LINGO2: variants seen among roughly 807,000 people sequenced by gnomAD.
LINGO2 encodes the protein leucine rich repeat and Ig domain containing 2.
LINGO2 carries 14 observed loss-of-function variants against 30.6 expected under a neutral mutation model. The ratio of observed to expected loss-of-function variants is 0.46; its 90% CI spans 0.30 to 0.72. The LOEUF (loss-of-function observed/expected upper bound fraction) is 0.72. LINGO2 is among the 30% of genes least tolerant of loss of function. The pLI is 0.07. For missense variants in LINGO2, 729 were observed against 751.7 expected (o/e 0.97, Z 0.35); for synonymous variants, 317 against 288.5 (o/e 1.10, Z -1.00).
the LINGO2 span, among the ~76,000 whole-genome samples, chr9:28,830,759 C>T: frequency 1.8e-4 from 10 of 56,566 alleles, no homozygotes; most frequent in Admixed American, 4.6e-4. Flanking sequence ...TGCCCCTATA[C>T]ACACACACAC....
chr9:28,959,531 G>A, the LINGO2 span, among the ~76,000 whole-genome samples: 1 of 149,808 alleles, frequency 6.7e-6, no homozygotes, highest in South Asian at 2.1e-4. Flanking sequence ...CAAGAAACAA[G>A]GAATTAAATT....
At chr9:28,699,402 G>A in the LINGO2 span, among the ~76,000 whole-genome samples, 6 of 152,018 alleles carry the variant, frequency 3.9e-5, no homozygotes, top group South Asian at 4.2e-4. Context: ...AATTTCTTAC[G>A]CCTGTCTTAC....
At chr9:28,178,942 G>A (rs1404090512) in intron 4 of LINGO2, among the ~76,000 whole-genome samples, 1 of 152,048 alleles carries the variant, frequency 6.6e-6, no homozygotes, top group Non-Finnish European at 1.5e-5. Flanking sequence ...GCTCCATTGG[G>A]TTATATCAGG....
At chr9:28,017,504 A>T (rs1371291543) in intron 4 of LINGO2, among the ~76,000 whole-genome samples, 1 of 152,208 alleles carries the variant, frequency 6.6e-6, no homozygotes, top group Non-Finnish European at 1.5e-5. Context: ...CAGGATACAA[A>T]AATAAATGTA....
intron 1 of LINGO2, among the ~76,000 whole-genome samples, chr9:28,484,195 G>A (rs1412043277): frequency 6.6e-6 from 1 of 151,772 alleles, no homozygotes; most frequent in African/African-American, 2.4e-5. Context: ...CAATCTTCAA[G>A]TAATAAGCGA....
At chr9:28,317,140 C>T (rs781690609) in intron 3 of LINGO2, among the ~76,000 whole-genome samples, 1 of 152,072 alleles carries the variant, frequency 6.6e-6, no homozygotes, top group Non-Finnish European at 1.5e-5. Context: ...CAATGTGAAA[C>T]TTTGAGGTCT....
At chr9:27,959,503 T>TG (rs143090818) in intron 5 of LINGO2, among the ~76,000 whole-genome samples, 11,391 of 152,174 alleles carry the variant, frequency 0.075, 1,443 homozygotes, top group African/African-American at 0.26. Context: ...CTTCCTTCTT[T>TG]GTCCCATCTA....
intron 4 of LINGO2, among the ~76,000 whole-genome samples, chr9:28,088,459 T>A (rs1351975022): frequency 1.3e-5 from 2 of 151,996 alleles, no homozygotes; most frequent in Admixed American, 1.3e-4. Context: ...ACCATAGTAA[T>A]CTGCATTCCA....
chr9:28,522,916 A>C (rs1049007860), intron 1 of LINGO2, among the ~76,000 whole-genome samples: 11 of 152,094 alleles, frequency 7.2e-5, no homozygotes, highest in Non-Finnish European at 1.5e-5. Flanking sequence ...AGTTCTAAGA[A>C]GCCAGTGAAA....
the LINGO2 span, among the ~76,000 whole-genome samples, chr9:28,880,956 C>T: frequency 6.6e-6 from 1 of 152,216 alleles, no homozygotes; most frequent in East Asian, 1.9e-4. Flanking sequence ...CTTTTGCTCA[C>T]ATGTTTGTTG....
intron 4 of LINGO2, among the ~76,000 whole-genome samples, chr9:28,077,877 T>A (rs968384672): frequency 6.7e-6 from 1 of 148,886 alleles, no homozygotes; most frequent in Non-Finnish European, 1.5e-5. Context: ...TTTCAGTTAC[T>A]TGTCTTTGTG....
intron 4 of LINGO2, among the ~76,000 whole-genome samples, chr9:28,249,421 T>G (rs1822115593): frequency 6.6e-6 from 1 of 152,144 alleles, no homozygotes; most frequent in Non-Finnish European, 1.5e-5. Flanking sequence ...TAGAAATGTG[T>G]TTAATGTGCT....
the LINGO2 span, among the ~76,000 whole-genome samples, chr9:28,991,219 C>A: frequency 3.3e-5 from 5 of 151,726 alleles, no homozygotes; most frequent in African/African-American, 4.8e-5. Flanking sequence ...GTGAAGAATG[C>A]AGAAGCCTCA....
At chr9:29,148,517 C>G in the LINGO2 span, among the ~76,000 whole-genome samples, 39 of 152,214 alleles carry the variant, frequency 2.6e-4, no homozygotes, top group Non-Finnish European at 2.9e-5. Flanking sequence ...ATAGTGCCAA[C>G]CTCCTACAAT....
chr9:28,919,495 T>A, the LINGO2 span, among the ~76,000 whole-genome samples: 2 of 152,162 alleles, frequency 1.3e-5, no homozygotes, highest in Non-Finnish European at 2.9e-5. Flanking sequence ...TGATGTTATG[T>A]CCTGGTTCAG....
chr9:29,179,794 G>T, the LINGO2 span, among the ~76,000 whole-genome samples: 4 of 152,206 alleles, frequency 2.6e-5, no homozygotes, highest in African/African-American at 9.6e-5. Context: ...ATATTTCCAT[G>T]GTAGCTTACA....
chr9:29,174,548 A>T, the LINGO2 span, among the ~76,000 whole-genome samples: 1 of 152,134 alleles, frequency 6.6e-6, no homozygotes, highest in Non-Finnish European at 1.5e-5. Flanking sequence ...ACTTTCAACT[A>T]AGCTTTTGAA....
chr9:28,591,505 A>G (rs1280429395), intron 1 of LINGO2, among the ~76,000 whole-genome samples: 1 of 152,016 alleles, frequency 6.6e-6, no homozygotes, highest in Admixed American at 6.6e-5. Context: ...TGTCTTCCAG[A>G]AAGTTCTGGT....
chr9:28,837,386 C>G, the LINGO2 span, among the ~76,000 whole-genome samples: 7 of 151,874 alleles, frequency 4.6e-5, 1 homozygote, highest in South Asian at 1.5e-3. Context: ...TGGCTCATGC[C>G]TATAATCTCA....
Sources: allele counts gnomAD v4.1 joint callset (sites outside exome capture counted in the v4.1 genomes callset), GRCh38; gene constraint gnomAD v4.1.1; transcripts MANE v1.5; gene names NCBI Gene and HGNC (gene_info 2026-07-23, HGNC 2026-07-21).